Variants in TSC22D1 observed in about 807,000 individuals in gnomAD.
The protein encoded by TSC22D1 is TSC22 domain family protein 1.
TSC22D1 carries 9 observed loss-of-function variants against 74.2 expected under a neutral mutation model. That is an observed-to-expected ratio of 0.12 (90% confidence interval 0.07 to 0.21). TSC22D1 has a LOEUF of 0.21. Ranked by LOEUF, TSC22D1 falls within the 10% of genes least tolerant of loss-of-function variation. The pLI is 1.00. For synonymous variants in TSC22D1, 586 were observed against 492.5 expected, an observed-to-expected ratio of 1.19 and a Z score of -2.51; for missense variants, 1,427 against 1,304.7, an observed-to-expected ratio of 1.09 and a Z score of -1.44.
rs969122366 is a variant in TSC22D1, at chr13:44,560,468, C to T, written c.2912+12695G>A. 2.0e-5 allele frequency among the ~76,000 whole-genome samples: 3 copies of T among 152,064 alleles called. No individual in the cohort carries two copies. The East Asian group carries it at 5.8e-4, about 29-fold the overall frequency. On this transcript the variant is annotated intron_variant, in intron 1 of 2. Transcript: ENST00000458659. ...CTTAAATCTTAGCACCTATTAGGAA[C>T]TTTTAATTTTACTTCTGAATATTAC...
chr13:44,464,570 G>A, intron 1 of TSC22D1, among the ~76,000 whole-genome samples: 1 of 152,116 alleles, frequency 6.6e-6, no homozygotes, highest in East Asian at 1.9e-4. Context: ...TAAGTGATTA[G>A]TAAATGGGAT....
chr13:44,556,677 C>A (rs941832891), intron 1 of TSC22D1, among the ~76,000 whole-genome samples: 1 of 151,986 alleles, frequency 6.6e-6, no homozygotes, highest in Admixed American at 6.6e-5. Context: ...ACCAGTCTAG[C>A]CAACATGGCA....
At position 44,574,225 on chromosome 13, in the gene TSC22D1, GGA is replaced by G; in HGVS notation, c.1848_1849del (p.Leu618SerfsTer162). 6.2e-7 allele frequency: 1 copy of G among 1,614,226 alleles called. No individual in the cohort carries two copies. Among genetic ancestry groups the G allele is most frequent in the Non-Finnish European group, 8.5e-7 (1 of 1,180,046 alleles). On this transcript the variant is annotated frameshift_variant, in exon 1 of 3. Transcript: ENST00000458659. LOFTEE classifies it high-confidence loss of function. Reference sequence around the variant, plus strand: ...TTGGGGTGGTGGTGCCCCTGGAAGGGGAGTTTGCACTGGAGGAGCCGCCTGAG... The same window carrying G: ...TTGGGGTGGTGGTGCCCCTGGAAGGGGTTTGCACTGGAGGAGCCGCCTGAG...
intron 1 of TSC22D1, chr13:44,516,396 A>G (rs548633472): frequency 1.9e-4 from 80 of 420,040 alleles, no homozygotes; most frequent in Middle Eastern, 3.8e-4. Flanking sequence ...CTCTTAATAA[A>G]TAAAAGTTCC....
Position 44,525,216 on chromosome 13 carries a change from C to A in TSC22D1, c.2912+47947G>T, listed in dbSNP as rs1880492091. The stretch of plus-strand genomic sequence containing the variant: ...CACAGGACTACATACAGACTATTCT[C>A]CCCGCTCCACAACACTCATCTTACT... On this transcript the variant is annotated intron_variant, in intron 1 of 2. Coordinates refer to ENST00000458659, the MANE Select transcript of TSC22D1 (RefSeq NM_183422.4). 2.0e-5 allele frequency among the ~76,000 whole-genome samples: 3 copies of A among 152,310 alleles called. 1 individual carries two copies. The South Asian group carries it at 6.2e-4, about 32-fold the overall frequency.
intron 1 of TSC22D1, among the ~76,000 whole-genome samples, chr13:44,505,843 C>A (rs930680885): frequency 6.6e-6 from 1 of 152,138 alleles, no homozygotes; most frequent in Non-Finnish European, 1.5e-5. Flanking sequence ...CCTAAAGGGG[C>A]TTATGGAACA....
At chr13:44,530,528 G>T (rs1202071677) in intron 1 of TSC22D1, among the ~76,000 whole-genome samples, 1 of 151,892 alleles carries the variant, frequency 6.6e-6, no homozygotes, top group Non-Finnish European at 1.5e-5. Context: ...CCCAGTAAAG[G>T]CAGACTTTAT....
intron 1 of TSC22D1, among the ~76,000 whole-genome samples, chr13:44,443,332 G>GT (rs1875363158): frequency 6.6e-6 from 1 of 151,780 alleles, no homozygotes; most frequent in Admixed American, 6.6e-5. Context: ...CTGTCAATCT[G>GT]TAATTCTATG....
intron 1 of TSC22D1, among the ~76,000 whole-genome samples, chr13:44,522,239 G>A (rs911462423): frequency 1.3e-5 from 2 of 152,160 alleles, no homozygotes; most frequent in Non-Finnish European, 2.9e-5. Flanking sequence ...TGAGCCAAAG[G>A]TGGCTGGAGA....
chr13:44,434,638 T>TCCTGAGC lies in TSC22D1; in HGVS notation c.3203_3209dup (p.Pro1071LeufsTer46). The stretch of plus-strand genomic sequence containing the variant: ...GGGGCATAGGCAGCTATGCGGTTGG[T>TCCTGAGC]CCTGAGCCCTGCGATGCTGGCTGGG... On this transcript the variant is annotated frameshift_variant, in exon 3 of 3. Coordinates refer to ENST00000458659, the MANE Select transcript of TSC22D1 (RefSeq NM_183422.4). LOFTEE classifies it high-confidence loss of function. 6.4e-7 allele frequency: 1 copy of TCCTGAGC among 1,573,340 alleles called. No homozygotes were observed. The highest frequency in any genetic ancestry group is 1.2e-5 in the South Asian group (1 of 83,072).
intron 1 of TSC22D1, among the ~76,000 whole-genome samples, chr13:44,490,588 A>C (rs1418360364): frequency 6.6e-6 from 1 of 152,152 alleles, no homozygotes; most frequent in Non-Finnish European, 1.5e-5. Flanking sequence ...TCTTAAACCC[A>C]AGAATTGCTA....
chr13:44,495,404 G>A (rs1022470873), intron 1 of TSC22D1, among the ~76,000 whole-genome samples: 8 of 151,882 alleles, frequency 5.3e-5, no homozygotes, highest in African/African-American at 1.7e-4. Flanking sequence ...CCCTACAAGT[G>A]ATGCTAAAGA....
intron 1 of TSC22D1, among the ~76,000 whole-genome samples, chr13:44,478,831 G>T (rs1878042772): frequency 6.6e-6 from 1 of 152,010 alleles, no homozygotes; most frequent in Non-Finnish European, 1.5e-5. Context: ...TTCTGGCAGT[G>T]AACCAAAAGA....
intron 1 of TSC22D1, among the ~76,000 whole-genome samples, chr13:44,461,824 G>A (rs1377040063): frequency 6.6e-6 from 1 of 152,124 alleles, no homozygotes; most frequent in Non-Finnish European, 1.5e-5. Flanking sequence ...AGTTGTAAAT[G>A]GCCAGTTCAA....
intron 1 of TSC22D1, among the ~76,000 whole-genome samples, chr13:44,455,596 T>C (rs1373646609): frequency 1.3e-5 from 2 of 152,220 alleles, no homozygotes; most frequent in African/African-American, 4.8e-5. Context: ...TGTCTGGAAG[T>C]ACAAATAAGT....
chr13:44,458,785 G>A (rs953294633), intron 1 of TSC22D1, among the ~76,000 whole-genome samples: 5 of 152,282 alleles, frequency 3.3e-5, no homozygotes, highest in East Asian at 3.9e-4. Context: ...GTGTGCGCTC[G>A]GGGCAGCAGC....
chr13:44,442,521 CT>C (rs1875282056), intron 1 of TSC22D1, among the ~76,000 whole-genome samples: 1 of 152,030 alleles, frequency 6.6e-6, no homozygotes, highest in African/African-American at 2.4e-5. Context: ...GAAAAATACA[CT>C]AGATGAGATT....
At chr13:44,509,850 G>A (rs1401630143) in intron 1 of TSC22D1, among the ~76,000 whole-genome samples, 11 of 145,168 alleles carry the variant, frequency 7.6e-5, no homozygotes, top group Admixed American at 7.2e-4. Flanking sequence ...AGAAAAAAGA[G>A]ACAGTTGAAA....
chr13:44,474,095 C>T (rs766272831), intron 1 of TSC22D1: 2 of 307,484 alleles, frequency 6.5e-6, no homozygotes, highest in Non-Finnish European at 9.5e-6. Flanking sequence ...CTGAACTGAA[C>T]CTTATTTCAC....
Sources: gnomAD v4.1 joint callset for allele counts (sites outside exome capture counted in the v4.1 genomes callset) on GRCh38, gnomAD v4.1.1 for gene constraint, MANE v1.5 for transcripts, NCBI Gene and HGNC (gene_info 2026-07-23, HGNC 2026-07-21) for gene names.